Variants in GRIP1 observed in about 807,000 individuals in gnomAD.
GRIP1 encodes glutamate receptor-interacting protein 1.
In GRIP1, 45 loss-of-function variants were observed where a neutral mutation model predicts 129.9. The ratio of observed to expected loss-of-function variants is 0.35; its 90% confidence interval spans 0.27 to 0.44. GRIP1 has a LOEUF of 0.44. GRIP1 is among the 20% of genes least tolerant of loss of function. The pLI is 1.00. For synonymous variants in GRIP1, 530 were observed against 520.8 expected (o/e 1.02, Z -0.24); for missense variants, 1,196 against 1,396.8 (o/e 0.86, Z 2.29).
At chr12:66,927,985 CA>C (rs1317657368) in intron 1 of GRIP1, among the ~76,000 whole-genome samples, 4 of 152,164 alleles carry the variant, frequency 2.6e-5, no homozygotes, top group African/African-American at 9.7e-5. Flanking sequence ...CTGCTGCTGG[CA>C]GCAATTATCT....
rs182885279 is a variant in GRIP1, at chr12:66,577,608, T to C, written c.136+19239A>G. 3.0e-3 allele frequency among the ~76,000 whole-genome samples: 460 copies of C among 152,290 alleles called. 2 individuals are homozygous for C. The highest frequency in any genetic ancestry group is 6.8e-3 in the Middle Eastern group (2 of 294). Reference sequence around the variant, plus strand: ...GATTTGACAAACATGGGTTGCACTCTGCTATGAACACTACTGGGCAAAACT... The same window carrying C: ...GATTTGACAAACATGGGTTGCACTCCGCTATGAACACTACTGGGCAAAACT... On this transcript the variant is annotated intron_variant, in intron 2 of 24. Coordinates refer to ENST00000359742, the MANE Select transcript of GRIP1 (RefSeq NM_001366722.1).
At chr12:67,010,337 T>G (rs1053579736) in intron 1 of GRIP1, among the ~76,000 whole-genome samples, 3 of 152,166 alleles carry the variant, frequency 2.0e-5, no homozygotes, top group Non-Finnish European at 2.9e-5. Flanking sequence ...AAGACATAGG[T>G]GTTTTACTTG....
At chr12:66,574,008 C>T (rs966982215) in intron 2 of GRIP1, among the ~76,000 whole-genome samples, 2 of 152,122 alleles carry the variant, frequency 1.3e-5, no homozygotes, top group Non-Finnish European at 2.9e-5. Flanking sequence ...AACTATTGAT[C>T]TTTTTTTCCC....
At chr12:66,755,495 C>T (rs2037259225) in intron 1 of GRIP1, among the ~76,000 whole-genome samples, 1 of 152,154 alleles carries the variant, frequency 6.6e-6, no homozygotes, top group Non-Finnish European at 1.5e-5. Flanking sequence ...AATTCATTAG[C>T]ACAAAAAAGG....
At chr12:66,716,826 T>G (rs539319113) in intron 1 of GRIP1, among the ~76,000 whole-genome samples, 1 of 152,146 alleles carries the variant, frequency 6.6e-6, no homozygotes, top group Admixed American at 6.5e-5. Context: ...TTTGAAACAC[T>G]TTAATTTTTT....
At chr12:66,886,102 AAAAATACAAAC>A (rs2040561758) in intron 1 of GRIP1, among the ~76,000 whole-genome samples, 1 of 152,052 alleles carries the variant, frequency 6.6e-6, no homozygotes, top group South Asian at 2.1e-4. Flanking sequence ...CATCTCTACT[AAAAATACAAAC>A]AAATTAGCCA....
rs766077868 is a variant in GRIP1, at chr12:66,888,051, TTTTTA to T, written c.58+180994_58+180998del. ...ACCTAAGAAATGACTTTTTTATTCA[TTTTTA>T]TTTTATTTTATTTTATTTTGAGACA... On this transcript the variant is annotated intron_variant, in intron 1 of 1. Transcript: ENST00000643019. Among the ~76,000 whole-genome samples the T allele has an allele frequency of 5.3e-5, 8 of 152,170 alleles. No individual in the cohort carries two copies. In the East Asian group the frequency reaches 7.7e-4, roughly 15 times the overall value.
intron 1 of GRIP1, among the ~76,000 whole-genome samples, chr12:66,810,121 T>C (rs540241478): frequency 1.3e-5 from 2 of 152,158 alleles, no homozygotes; most frequent in Admixed American, 6.5e-5. Context: ...CCATACATCA[T>C]ACAGAAAATA....
chr12:66,861,205 T>G (rs2137117285), intron 1 of GRIP1, among the ~76,000 whole-genome samples: 1 of 152,280 alleles, frequency 6.6e-6, no homozygotes, highest in East Asian at 1.9e-4. Context: ...CATTGGCATT[T>G]AATACCTTGT....
chr12:66,807,758 C>CTGA (rs2039023442), upstream of GRIP1, among the ~76,000 whole-genome samples: 1 of 152,012 alleles, frequency 6.6e-6, no homozygotes, highest in African/African-American at 2.4e-5. Flanking sequence ...TGGAAGCTTC[C>CTGA]TGAGGCCTCC....
At chr12:66,750,307 T>C (rs573172939) in intron 1 of GRIP1, among the ~76,000 whole-genome samples, 1 of 152,150 alleles carries the variant, frequency 6.6e-6, no homozygotes. Context: ...CAGAGAAGCA[T>C]GCTGGGGCAG....
At chr12:66,574,790 T>TTTTTTTTTCTTTTTTTC (rs2063084357) in intron 2 of GRIP1, among the ~76,000 whole-genome samples, 3 of 142,068 alleles carry the variant, frequency 2.1e-5, no homozygotes, top group African/African-American at 5.1e-5. Flanking sequence ...CACTTTTCTT[T>TTTTTTTTTCTTTTTTTC]TTTTTTTTTT....
rs933077236 is a variant in GRIP1 at position 66,835,470 on chromosome 12, C to T, written c.58+233580G>A. On this transcript the variant is annotated intron_variant, in intron 1 of 1. Transcript: ENST00000643019. ...GTTTATATCAATGAAATGTTTATAT[C>T]ATTGCCAATTGCCAAAACTTGGAGG... Among the ~76,000 whole-genome samples, 11 of 152,172 alleles carry T rather than the reference C, an allele frequency of 7.2e-5. No individual in the cohort carries two copies. The East Asian group carries it at 1.9e-3, about 27-fold the overall frequency.
intron 1 of GRIP1, among the ~76,000 whole-genome samples, chr12:66,761,257 T>A (rs1296084984): frequency 6.6e-6 from 1 of 152,046 alleles, no homozygotes; most frequent in Admixed American, 6.6e-5. Flanking sequence ...CTCAAAAATT[T>A]CCACGGATTC....
rs139823745 is a variant in GRIP1, at chr12:66,786,459, G to A, written c.-420+17594C>T. Among the ~76,000 whole-genome samples the A allele has an allele frequency of 6.8e-4, 103 of 152,252 alleles. No homozygotes were observed. The Middle Eastern group carries it at 0.01, about 15-fold the overall frequency. On this transcript the variant is annotated intron_variant, in intron 1 of 4. Transcript: ENST00000538373. ...TTCAGGAGGCAACTTCACCTTCATG[G>A]CCATTCAACCTGAGACTAGTTAGGC...
intron 1 of GRIP1, among the ~76,000 whole-genome samples, chr12:66,600,025 G>T (rs73325117): frequency 0.014 from 2,189 of 152,284 alleles, 62 homozygotes; most frequent in African/African-American, 0.05. Context: ...ACCTTGTATG[G>T]TGTAAGTTAA....
At chr12:66,670,400 G>A (rs546468218) in intron 1 of GRIP1, among the ~76,000 whole-genome samples, 1 of 152,178 alleles carries the variant, frequency 6.6e-6, no homozygotes, top group East Asian at 1.9e-4. Context: ...GGACTGCCAA[G>A]GAGGGCAGAC....
intron 23 of GRIP1, among the ~76,000 whole-genome samples, chr12:66,369,400 C>T (rs1353236162): frequency 7.3e-6 from 1 of 137,380 alleles, no homozygotes; most frequent in Non-Finnish European, 1.5e-5. Context: ...TATAACAACA[C>T]TTGCACGTCC....
At chr12:67,062,695 T>G (rs1460878674) in intron 1 of GRIP1, among the ~76,000 whole-genome samples, 1 of 152,180 alleles carries the variant, frequency 6.6e-6, no homozygotes, top group Non-Finnish European at 1.5e-5. Flanking sequence ...TATTTTCTCA[T>G]CCCATCATGG....
Sources: allele counts gnomAD v4.1 joint callset (sites outside exome capture counted in the v4.1 genomes callset), GRCh38; gene constraint gnomAD v4.1.1; transcripts MANE v1.5; gene names NCBI Gene and HGNC (gene_info 2026-07-23, HGNC 2026-07-21).